ACBD5: variants seen among roughly 807,000 people sequenced by gnomAD.
ACBD5 encodes acyl-CoA binding domain containing 5, also known as acyl-CoA-binding domain-containing protein 5.
Under a neutral mutation model 71.8 loss-of-function variants are expected in ACBD5, and 40 were observed. That is an observed-to-expected ratio of 0.56 (90% CI 0.43 to 0.72). The LOEUF (loss-of-function observed/expected upper bound fraction) is 0.72. Among genes scored for constraint, ACBD5 ranks in the 30% least tolerant of loss-of-function variants. The probability of loss-of-function intolerance (pLI) is 0.00; values close to 1 mark genes in which losing one functional copy is unlikely to be tolerated. For missense variants in ACBD5, 559 were observed against 644.5 expected, an observed-to-expected ratio of 0.87 and a Z score of 1.44; for synonymous variants, 229 against 218.6, an observed-to-expected ratio of 1.05 and a Z score of -0.42.
intron 4 of ACBD5, among the ~76,000 whole-genome samples, chr10:27,226,594 C>T (rs1482447792): frequency 2.0e-5 from 3 of 151,686 alleles, no homozygotes; most frequent in South Asian, 4.2e-4. Flanking sequence ...AGCATGTGGC[C>T]CAAGACGGCT....
At chr10:27,218,861 C>T (rs985995496) in intron 6 of ACBD5, among the ~76,000 whole-genome samples, 18 of 152,092 alleles carry the variant, frequency 1.2e-4, no homozygotes, top group African/African-American at 3.6e-4. Context: ...GCTGGGATTA[C>T]GAGTGTGAGC....
intron 8 of ACBD5, among the ~76,000 whole-genome samples, 153 bp from the exon 9 acceptor site, chr10:27,211,234 T>C (rs1169498900): frequency 6.6e-6 from 1 of 152,018 alleles, no homozygotes; most frequent in East Asian, 1.9e-4. Flanking sequence ...CTTCAATTCA[T>C]ATGCTGCTTC....
At chr10:27,218,840 C>A (rs1168539702) in intron 6 of ACBD5, among the ~76,000 whole-genome samples, 1 of 152,112 alleles carries the variant, frequency 6.6e-6, no homozygotes, top group Non-Finnish European at 1.5e-5. Context: ...CCCGCCTCGG[C>A]CTCCCAAACT....
chr10:27,188,981 G>A (rs756968989), intron 13 of ACBD5, among the ~76,000 whole-genome samples: 70 of 152,212 alleles, frequency 4.6e-4, no homozygotes, highest in Non-Finnish European at 5.9e-4. Context: ...CAGTTAAGAA[G>A]CAGCAAACTG....
At chr10:27,216,522 C>G (rs113156932) in intron 7 of ACBD5, among the ~76,000 whole-genome samples, 1 of 152,016 alleles carries the variant, frequency 6.6e-6, no homozygotes, top group Non-Finnish European at 1.5e-5. Context: ...GTGATCCACC[C>G]GCCTCGGCCT....
At chr10:27,228,912 G>A (rs1436584237) in intron 4 of ACBD5, among the ~76,000 whole-genome samples, 1 of 143,930 alleles carries the variant, frequency 6.9e-6, no homozygotes, top group Non-Finnish European at 1.5e-5. Context: ...TCTGCCTCCC[G>A]GGTTCAAGCG....
Position 27,205,229 on chromosome 10 carries a change from G to A in ACBD5, c.1424C>T (p.Thr475Ile). 1 of 1,612,974 alleles carries A rather than the reference G, an allele frequency of 6.2e-7. No individual in the cohort carries two copies. Among genetic ancestry groups the A allele is most frequent in the East Asian group, 2.2e-5 (1 of 44,822 alleles). ...TALQAKSSTS[T>I]LQTAPQPTSQ... ...GGTGGGCTGAGGAGCAGTCTGCAAT[G>A]TTGATGTTGATGATTTTGCCTGTAA... The change falls in exon 11 of 13, where the codon ACA (threonine) becomes ATA (isoleucine). Residue 475 changes from threonine (T) to isoleucine (I), a missense_variant. Physicochemically the swap from Thr to Ile is moderately conservative, Grantham distance 89 (BLOSUM62 -1). Coordinates refer to ENST00000396271, the MANE Select transcript of ACBD5 (RefSeq NM_145698.5).
chr10:27,223,539 G>C (rs2062629097), intron 4 of ACBD5, 87 bp from the exon 5 acceptor site: 1 of 987,138 alleles, frequency 1.0e-6, no homozygotes, highest in Non-Finnish European at 1.6e-6. Flanking sequence ...TTTCCAATTT[G>C]TCAATAATTT....
intron 4 of ACBD5, among the ~76,000 whole-genome samples, chr10:27,226,649 ATT>A (rs141926345): frequency 0.71 from 105,100 of 148,898 alleles, 37,152 homozygotes; most frequent in Admixed American, 0.72. Context: ...TTTTTTTTTA[ATT>A]TTTTTTGTTA....
chr10:27,224,663 C>T (rs2062779946), intron 4 of ACBD5, among the ~76,000 whole-genome samples: 1 of 152,150 alleles, frequency 6.6e-6, no homozygotes, highest in African/African-American at 2.4e-5. Context: ...TAAAGTATTT[C>T]TAGATTTGAA....
chr10:27,200,087 G>C (rs1002671409), intron 12 of ACBD5, among the ~76,000 whole-genome samples: 2 of 152,126 alleles, frequency 1.3e-5, no homozygotes, highest in Admixed American at 1.3e-4. Flanking sequence ...ATAGGAGCTG[G>C]GTAAAATGAG....
At chr10:27,199,903 A>G (rs2059739316) in intron 12 of ACBD5, among the ~76,000 whole-genome samples, 1 of 152,004 alleles carries the variant, frequency 6.6e-6, no homozygotes, top group Non-Finnish European at 1.5e-5. Flanking sequence ...GAGAGACAAT[A>G]GCGTGAACCT....
chr10:27,195,583 A>G lies in ACBD5; in HGVS notation c.*1847T>C. On this transcript the variant is annotated 3_prime_UTR_variant, in exon 13 of 13. Transcript: ENST00000396271. ...ATCTCATTTTTGAAAATAATCTTTG[A>G]TCCACAGGTCTAAATGTTATTTTTA... is the stretch of plus-strand genomic sequence containing the variant. The G allele has an allele frequency of 2.2e-6, 1 of 449,726 alleles. No individual in the cohort carries two copies. The highest frequency in any genetic ancestry group is 4.4e-6 in the Non-Finnish European group (1 of 225,240). 27.9% of individuals were successfully genotyped at this position (449,726 alleles called of 1,614,324 possible). A position where few individuals can be genotyped will look rare whatever the true frequency, so the allele number is the denominator to read the frequency against.
chr10:27,216,409 G>A (rs1366672049), intron 7 of ACBD5, among the ~76,000 whole-genome samples: 5 of 152,160 alleles, frequency 3.3e-5, no homozygotes, highest in Non-Finnish European at 4.4e-5. Flanking sequence ...CCAAAGTGCT[G>A]GGATTACAGG....
intron 12 of ACBD5, 60 bp downstream of exon 12, chr10:27,204,380 C>T: frequency 1.6e-6 from 2 of 1,277,580 alleles, no homozygotes; most frequent in African/African-American, 2.9e-5. Flanking sequence ...CTGCTGAAAA[C>T]TCTGTCTACT....
chr10:27,218,216 G>A (rs763250877), intron 6 of ACBD5, 33 bp from the exon 7 acceptor site: 1 of 1,529,450 alleles, frequency 6.5e-7, no homozygotes, highest in Non-Finnish European at 9.0e-7. Context: ...ATTCATAAAA[G>A]TTCACAGTAG....
At chr10:27,210,620 T>C (rs1464114206) in intron 9 of ACBD5, among the ~76,000 whole-genome samples, 194 bp downstream of exon 9, 1 of 152,104 alleles carries the variant, frequency 6.6e-6, no homozygotes, top group African/African-American at 2.4e-5. Flanking sequence ...TAGCCAGGCA[T>C]GGTGGTGGGT....
At chr10:27,230,946 C>T (rs2063780543) in intron 4 of ACBD5, among the ~76,000 whole-genome samples, 1 of 152,106 alleles carries the variant, frequency 6.6e-6, no homozygotes, top group Admixed American at 6.6e-5. Context: ...AACCTGAAAA[C>T]TTCCTTATCT....
At chr10:27,239,890 G>A (rs1162662206) in intron 2 of ACBD5, among the ~76,000 whole-genome samples, 2 of 152,180 alleles carry the variant, frequency 1.3e-5, no homozygotes, top group African/African-American at 4.8e-5. Context: ...GGGACTACAG[G>A]CGCACGCCAC....
Sources: gnomAD v4.1 joint callset for allele counts (sites outside exome capture counted in the v4.1 genomes callset) on GRCh38, gnomAD v4.1.1 for gene constraint, MANE v1.5 for transcripts, NCBI Gene and HGNC (gene_info 2026-07-23, HGNC 2026-07-21) for gene names.